Variants in MLYCD observed in about 807,000 individuals in gnomAD.
The protein encoded by MLYCD is malonyl-CoA decarboxylase, mitochondrial.
In MLYCD, 27 loss-of-function variants were observed where a neutral mutation model predicts 35.8. The observed-to-expected ratio is 0.75, with a 90% CI of 0.56 to 1.04. MLYCD has a LOEUF of 1.04. Among genes scored for constraint, MLYCD ranks in the 50% least tolerant of loss-of-function variants. The probability of loss-of-function intolerance (pLI) is 0.00; values close to 1 mark genes in which losing one functional copy is unlikely to be tolerated. For missense variants in MLYCD, 917 were observed against 665.1 expected (o/e 1.38, Z -4.17); for synonymous variants, 403 against 302.4 (o/e 1.33, Z -3.45).
At position 83,899,472 on chromosome 16, in the gene MLYCD, C is replaced by A; in HGVS notation, c.328C>A (p.Leu110Ile). ...GGTGGCGGAGCAGAGCGCCGGCGTG[C>A]TCCATCTGCGCCAGCAGCAGCGGGA... ...GQVAEQSAGV[L>I]HLRQQQREAA... Residue 110 changes from leucine (L) to isoleucine (I), a missense_variant, in exon 1 of 5, where the codon CTC becomes ATC. Physicochemically the swap from Leu to Ile is conservative, Grantham distance 5. Transcript: ENST00000262430. 1 of 1,552,306 alleles carries A rather than the reference C, an allele frequency of 6.4e-7. No individual in the cohort carries two copies. The highest frequency in any genetic ancestry group is 2.5e-5 in the East Asian group (1 of 40,168).
chr16:83,915,368 A>C lies in MLYCD; in HGVS notation c.1361A>C (p.Tyr454Ser). The change falls in exon 5 of 5, where the codon TAC becomes TCC. Residue 454 changes from tyrosine (Y) to serine (S), a missense_variant. Transcript: ENST00000262430. ...GGCTCCTGCGGCCTGATGGCCAACT[A>C]CCGCTACTTCCTGGAGGAGACGGGC... ...ITGSCGLMAN[Y>S]RYFLEETGPN... is the part of the protein sequence containing the mutation. The C allele has an allele frequency of 6.2e-7, 1 of 1,613,758 alleles. No homozygotes were observed.
Position 83,923,375 on chromosome 16 carries a change from A to T in MLYCD, c.*7886A>T, listed in dbSNP as rs929142595. On this transcript the variant is annotated 3_prime_UTR_variant, in exon 5 of 5. Coordinates refer to ENST00000262430, the MANE Select transcript of MLYCD (RefSeq NM_012213.3). ...AGTCCATTTTGATCTACTCTTAGAA[A>T]CAAAAGCTGCCCATGATTTCACCAC... The T allele has an allele frequency of 6.6e-6, 1 of 152,242 alleles. No individual in the cohort carries two copies. The highest frequency in any genetic ancestry group is 2.4e-5 in the African/African-American group (1 of 41,462). 9.4% of individuals were successfully genotyped at this position (152,242 alleles called of 1,614,324 possible).
intron 1 of MLYCD, among the ~76,000 whole-genome samples, chr16:83,906,412 T>G (rs1906977052): frequency 6.6e-6 from 1 of 152,142 alleles, no homozygotes; most frequent in Non-Finnish European, 1.5e-5. Flanking sequence ...ATGCTGCCAA[T>G]TAGTCTGTGA....
rs1222990429 is a variant in MLYCD at position 83,917,813 on chromosome 16, G to A, written c.*2324G>A. The A allele has an allele frequency of 6.6e-6, 1 of 152,282 alleles. No individual in the cohort carries two copies. The highest frequency in any genetic ancestry group is 1.5e-5 in the Non-Finnish European group (1 of 68,102). 9.4% of individuals were successfully genotyped at this position (152,282 alleles called of 1,614,324 possible). On this transcript the variant is annotated 3_prime_UTR_variant, in exon 5 of 5. Coordinates refer to ENST00000262430, the MANE Select transcript of MLYCD (RefSeq NM_012213.3). ...TATCCTGCTGCCTCCAGAGTGCCATGGACAGATCACCCATTCTCGATCACT... is the reference window on the plus strand; with the variant it reads ...TATCCTGCTGCCTCCAGAGTGCCATAGACAGATCACCCATTCTCGATCACT...
At chr16:83,899,721 T>A (rs749494289) in intron 1 of MLYCD, 49 bp downstream of exon 1, 1 of 1,476,088 alleles carries the variant, frequency 6.8e-7, no homozygotes, top group Non-Finnish European at 8.9e-7. Context: ...GCCGCCCTCC[T>A]CGAGTAGTCC....
chr16:83,916,226 G>C lies in MLYCD; in HGVS notation c.*737G>C. Reference sequence around the variant, plus strand: ...TGGTCGTCTTTAAGATTAGAGACCTGGGAAGGCTGGAATCAGCCAGCCAGC... The same window carrying C: ...TGGTCGTCTTTAAGATTAGAGACCTCGGAAGGCTGGAATCAGCCAGCCAGC... On this transcript the variant is annotated 3_prime_UTR_variant, in exon 5 of 5. Coordinates refer to ENST00000262430, the MANE Select transcript of MLYCD (RefSeq NM_012213.3). The C allele has an allele frequency of 2.0e-6, 2 of 987,296 alleles. No individual in the cohort carries two copies. Among genetic ancestry groups the C allele is most frequent in the Non-Finnish European group, 2.4e-6 (2 of 829,846 alleles). 61.2% of individuals were successfully genotyped at this position (987,296 alleles called of 1,614,324 possible).
chr16:83,907,316 A>G (rs191476065), intron 2 of MLYCD, among the ~76,000 whole-genome samples: 31 of 152,306 alleles, frequency 2.0e-4, no homozygotes, highest in African/African-American at 6.5e-4. Flanking sequence ...AGAAACTGAT[A>G]TGTCTGTCAG....
rs1334640830 is a variant in MLYCD, at chr16:83,926,569, T to C, written c.*11080T>C. 6.6e-6 allele frequency: 1 copy of C among 152,046 alleles called. No individual in the cohort carries two copies. Among genetic ancestry groups the C allele is most frequent in the African/African-American group, 2.4e-5 (1 of 41,374 alleles). 9.4% of individuals were successfully genotyped at this position (152,046 alleles called of 1,614,324 possible). ...CGCAGGCTAGACAGCGTTCCCCAAG[T>C]CCCCCCTTGAGCTGGGTGGGCTGCC... On this transcript the variant is annotated 3_prime_UTR_variant, in exon 5 of 5. Coordinates refer to ENST00000262430, the MANE Select transcript of MLYCD (RefSeq NM_012213.3).
intron 3 of MLYCD, among the ~76,000 whole-genome samples, chr16:83,909,417 A>G (rs1907093885): frequency 6.6e-6 from 1 of 152,190 alleles, no homozygotes; most frequent in African/African-American, 2.4e-5. Context: ...ATGTATTTAA[A>G]TATTGTTGTA....
In MLYCD at chr16:83,919,969, C is replaced by CAACAG. The variant is rs766187094; in HGVS notation, c.*4485_*4489dup. 1 of 151,542 alleles carries CAACAG rather than the reference C, an allele frequency of 6.6e-6. No homozygotes were observed. Among genetic ancestry groups the CAACAG allele is most frequent in the Non-Finnish European group, 1.5e-5 (1 of 68,398 alleles). The allele number at this position is 151,542 out of a possible 1,614,324, so 9.4% of individuals were successfully genotyped here. A position where few individuals can be genotyped will look rare whatever the true frequency, so the allele number is the denominator to read the frequency against. ...GAGAACACACGCAATTCACAGGACA[C>CAACAG]AACAGAACACACGCAGTGCACAGGA... On this transcript the variant is annotated 3_prime_UTR_variant, in exon 5 of 5. Coordinates refer to ENST00000262430, the MANE Select transcript of MLYCD (RefSeq NM_012213.3).
rs189460188 is a variant in MLYCD, at chr16:83,922,138, T to A, written c.*6649T>A. On this transcript the variant is annotated 3_prime_UTR_variant, in exon 5 of 5. Coordinates refer to ENST00000262430, the MANE Select transcript of MLYCD (RefSeq NM_012213.3). ...CTGTGTCCCAGGTTCAAGGCTGAAGTCACAACCCCACCCCTGCCACAGAGC... is the reference window on the plus strand; with the variant it reads ...CTGTGTCCCAGGTTCAAGGCTGAAGACACAACCCCACCCCTGCCACAGAGC... The A allele has an allele frequency of 4.4e-4, 67 of 152,214 alleles. No homozygotes were observed. The highest frequency in any genetic ancestry group is 1.6e-3 in the African/African-American group (66 of 41,532). The allele number at this position is 152,214 out of a possible 1,614,324, so 9.4% of individuals were successfully genotyped here.
At position 83,922,775 on chromosome 16, in the gene MLYCD, T is replaced by C. The variant is rs1298968681; in HGVS notation, c.*7286T>C. 1.3e-5 allele frequency: 2 copies of C among 152,300 alleles called. No individual in the cohort carries two copies. Among genetic ancestry groups the C allele is most frequent in the African/African-American group, 4.8e-5 (2 of 41,474 alleles). 9.4% of individuals were successfully genotyped at this position (152,300 alleles called of 1,614,324 possible). A position where few individuals can be genotyped will look rare whatever the true frequency, so the allele number is the denominator to read the frequency against. On this transcript the variant is annotated 3_prime_UTR_variant, in exon 5 of 5. Transcript: ENST00000262430. ...GGCGCCACCATCCTGCTCACCTGAATGCGGGTTCTGGGATCTTTCAGTCCT... is the reference window on the plus strand; with the variant it reads ...GGCGCCACCATCCTGCTCACCTGAACGCGGGTTCTGGGATCTTTCAGTCCT...
rs1907745599 is a variant in MLYCD at position 83,924,442 on chromosome 16, C to T, written c.*8953C>T. Reference sequence around the variant, plus strand: ...AGCAGGAGCGCTTGCTTCTGAAGCTCCCGTGCGTCTGTGACAGAGGCTTGA... The same window carrying T: ...AGCAGGAGCGCTTGCTTCTGAAGCTTCCGTGCGTCTGTGACAGAGGCTTGA... On this transcript the variant is annotated 3_prime_UTR_variant, in exon 5 of 5. Transcript: ENST00000262430. 6.6e-6 allele frequency: 1 copy of T among 152,202 alleles called. No individual in the cohort carries two copies. The highest frequency in any genetic ancestry group is 6.5e-5 in the Admixed American group (1 of 15,276). The allele number at this position is 152,202 out of a possible 1,614,324, so 9.4% of individuals were successfully genotyped here.
Position 83,924,466 on chromosome 16 carries a change from G to C in MLYCD, c.*8977G>C, listed in dbSNP as rs1190666013. The C allele has an allele frequency of 1.3e-5, 2 of 152,150 alleles. No homozygotes were observed. The highest frequency in any genetic ancestry group is 6.6e-5 in the Admixed American group (1 of 15,262). 9.4% of individuals were successfully genotyped at this position (152,150 alleles called of 1,614,324 possible). On this transcript the variant is annotated 3_prime_UTR_variant, in exon 5 of 5. Coordinates refer to ENST00000262430, the MANE Select transcript of MLYCD (RefSeq NM_012213.3). ...TCCCGTGCGTCTGTGACAGAGGCTT[G>C]AACCCCCGGCTTGTTCTCTCACGTC...
In MLYCD at chr16:83,924,278, G is replaced by C. The variant is rs1389786535; in HGVS notation, c.*8789G>C. On this transcript the variant is annotated 3_prime_UTR_variant, in exon 5 of 5. Coordinates refer to ENST00000262430, the MANE Select transcript of MLYCD (RefSeq NM_012213.3). ...TTGGAGATGGGGGATCTGGCCCTGT[G>C]GTGAGTGCACCCAGAGCAGGTGTCT... The C allele has an allele frequency of 6.6e-6, 1 of 152,192 alleles. No individual in the cohort carries two copies. Among genetic ancestry groups the C allele is most frequent in the African/African-American group, 2.4e-5 (1 of 41,410 alleles). The allele number at this position is 152,192 out of a possible 1,614,324, so 9.4% of individuals were successfully genotyped here.
intron 4 of MLYCD, chr16:83,913,814 A>AC (rs1907271254): frequency 6.6e-6 from 1 of 151,902 alleles, no homozygotes; most frequent in Non-Finnish European, 1.5e-5. Context: ...AAAAAAAAAA[A>AC]AAAAAAAACA....
chr16:83,915,856 TA>T lies in MLYCD; in HGVS notation c.*369del. On this transcript the variant is annotated 3_prime_UTR_variant, in exon 5 of 5. Transcript: ENST00000262430. ...ATCCCAGGGGGATCTGGCATCCTCC[TA>T]AGGACCGGGGCGCGTGGCCCAGATA... 8.3e-7 allele frequency: 1 copy of T among 1,198,804 alleles called. No homozygotes were observed. Among genetic ancestry groups the T allele is most frequent in the South Asian group, 1.8e-5 (1 of 56,222 alleles). 74.3% of individuals were successfully genotyped at this position (1,198,804 alleles called of 1,614,324 possible). A position where few individuals can be genotyped will look rare whatever the true frequency, so the allele number is the denominator to read the frequency against.
In MLYCD at chr16:83,902,154, CGTATATATATAT is replaced by C. The variant is rs1344260071; in HGVS notation, c.528+2483_528+2494del. On this transcript the variant is annotated intron_variant, in intron 1 of 4. Coordinates refer to ENST00000262430, the MANE Select transcript of MLYCD (RefSeq NM_012213.3). ...ATATGTGTGTGTGTGTGTGTGCGTG[CGTATATATATAT>C]ATATATATATATATATATATATATG... Among the ~76,000 whole-genome samples, 660 of 84,448 alleles carry C rather than the reference CGTATATATATAT, an allele frequency of 7.8e-3. 11 individuals are homozygous for C. Among genetic ancestry groups the C allele is most frequent in the African/African-American group, 0.026 (618 of 23,416 alleles). The allele number at this position is 84,448 out of a possible 152,430, so 55.4% of individuals were successfully genotyped here.
chr16:83,909,644 G>A (rs895311311), intron 3 of MLYCD, among the ~76,000 whole-genome samples: 4 of 146,924 alleles, frequency 2.7e-5, no homozygotes, highest in Non-Finnish European at 6.0e-5. Flanking sequence ...TTTTTGAAGC[G>A]GAGTTTCGCT....
Sources: allele counts gnomAD v4.1 joint callset (sites outside exome capture counted in the v4.1 genomes callset), GRCh38; gene constraint gnomAD v4.1.1; transcripts MANE v1.5; gene names NCBI Gene and HGNC (gene_info 2026-07-23, HGNC 2026-07-21).